Variants in RAD54B observed in about 807,000 individuals in gnomAD.
RAD54B encodes the protein RAD54 homolog B.
In RAD54B, 78 loss-of-function variants were observed where a neutral mutation model predicts 95.8. The ratio of observed to expected loss-of-function variants is 0.81; its 90% CI spans 0.68 to 0.98. The LOEUF is 0.98. Ranked by LOEUF, RAD54B falls within the 50% of genes least tolerant of loss-of-function variation. RAD54B has a pLI of 0.00. For synonymous variants in RAD54B, 328 were observed against 354.9 expected (o/e 0.92, Z 0.85); for missense variants, 957 against 1,056.6 (o/e 0.91, Z 1.31).
intron 6 of RAD54B, 66 bp downstream of exon 6, chr8:94,404,011 A>C: frequency 7.0e-6 from 9 of 1,279,938 alleles, no homozygotes; most frequent in Non-Finnish European, 8.5e-6. Flanking sequence ...TTCTTAGAAA[A>C]CCATTATTGT....
At chr8:94,379,030 T>A (rs745497337) in intron 12 of RAD54B, among the ~76,000 whole-genome samples, 1 of 152,234 alleles carries the variant, frequency 6.6e-6, no homozygotes, top group Non-Finnish European at 1.5e-5. Context: ...GCTAAGGCTC[T>A]AGGTGGATCC....
intron 3 of RAD54B, chr8:94,436,421 C>G (rs989976062): frequency 6.9e-7 from 1 of 1,442,820 alleles, no homozygotes; most frequent in Non-Finnish European, 9.1e-7. Flanking sequence ...ATGCATATCT[C>G]TATCACGACT....
At chr8:94,451,339 C>G (rs1447568762) in intron 3 of RAD54B, among the ~76,000 whole-genome samples, 4 of 152,020 alleles carry the variant, frequency 2.6e-5, no homozygotes, top group African/African-American at 9.7e-5. Context: ...AGATTATAAC[C>G]CACTGAATAA....
intron 3 of RAD54B, chr8:94,436,430 C>T (rs1476669609): frequency 5.5e-6 from 8 of 1,459,808 alleles, no homozygotes; most frequent in African/African-American, 2.9e-5. Flanking sequence ...TCTATCACGA[C>T]TAAGCCAAAG....
intron 7 of RAD54B, 77 bp downstream of exon 7, chr8:94,400,161 C>T: frequency 7.7e-7 from 1 of 1,292,580 alleles, no homozygotes; most frequent in Non-Finnish European, 1.1e-6. Context: ...AGGGAGTTAA[C>T]AAGTAAAAAC....
Position 94,407,676 on chromosome 8 carries a change from G to A in RAD54B, c.544C>T (p.Gln182Ter). The A allele has an allele frequency of 2.5e-6, 4 of 1,613,694 alleles. No individual in the cohort carries two copies. Among genetic ancestry groups the A allele is most frequent in the Non-Finnish European group, 3.4e-6 (4 of 1,179,798 alleles). ...TCTTTTCCACAAATCATCAGTGTTT[G>A]GCCCTCTTCAATCTTTTCAAGCTCT... ...FKELEKIEEG[Q>*]TLMICGKEIE... The change falls in exon 5 of 15, where the codon CAA becomes TAA. Residue 182 changes from glutamine to a stop codon, truncating the protein, a stop_gained. Transcript: ENST00000336148. LOFTEE classifies it high-confidence loss of function.
At chr8:94,418,465 A>T (rs1291917801) in intron 3 of RAD54B, among the ~76,000 whole-genome samples, 3 of 152,180 alleles carry the variant, frequency 2.0e-5, no homozygotes, top group Non-Finnish European at 2.9e-5. Context: ...ATTGTTTTTA[A>T]ATTTTCATAC....
chr8:94,463,935 A>C (rs1812965580), intron 2 of RAD54B, among the ~76,000 whole-genome samples: 1 of 151,466 alleles, frequency 6.6e-6, no homozygotes, highest in African/African-American at 2.4e-5. Flanking sequence ...AAAAGAGAGA[A>C]ACGAAAACAC....
chr8:94,452,442 T>C (rs1172187088), intron 3 of RAD54B, among the ~76,000 whole-genome samples: 5 of 152,188 alleles, frequency 3.3e-5, no homozygotes, highest in Middle Eastern at 3.2e-3. Flanking sequence ...ATTACACATA[T>C]ACATACAATA....
intron 3 of RAD54B, among the ~76,000 whole-genome samples, chr8:94,418,443 C>G (rs1811726012): frequency 6.6e-6 from 1 of 152,172 alleles, no homozygotes; most frequent in Non-Finnish European, 1.5e-5. Flanking sequence ...TCACCTTTAT[C>G]CATTTTTAAC....
intron 8 of RAD54B, among the ~76,000 whole-genome samples, chr8:94,397,625 T>C (rs1173249965): frequency 6.6e-6 from 1 of 152,152 alleles, no homozygotes; most frequent in East Asian, 1.9e-4. Context: ...ATCAATAAAA[T>C]TATATATTTT....
At chr8:94,424,453 A>G (rs1482867202) in intron 3 of RAD54B, among the ~76,000 whole-genome samples, 1 of 152,150 alleles carries the variant, frequency 6.6e-6, no homozygotes, top group Admixed American at 6.5e-5. Flanking sequence ...CCCTTTCTCA[A>G]TTACTCCCAT....
chr8:94,450,732 T>C (rs1229334254), intron 3 of RAD54B, among the ~76,000 whole-genome samples: 1 of 151,756 alleles, frequency 6.6e-6, no homozygotes, highest in African/African-American at 2.4e-5. Context: ...ATACAAAAAT[T>C]AGCTGAGTGT....
intron 2 of RAD54B, 83 bp downstream of exon 2, chr8:94,467,322 T>C: frequency 8.3e-7 from 1 of 1,210,484 alleles, no homozygotes; most frequent in Non-Finnish European, 1.1e-6. Flanking sequence ...AGGCAGAAAA[T>C]ACTGTTAACT....
At chr8:94,411,100 C>G in intron 4 of RAD54B, 21 bp downstream of exon 4, 1 of 1,559,426 alleles carries the variant, frequency 6.4e-7, no homozygotes, top group Non-Finnish European at 8.7e-7. Flanking sequence ...AAACTGTAAA[C>G]ATTAGGTAGT....
At chr8:94,400,045 T>A (rs2130007303) in intron 7 of RAD54B, among the ~76,000 whole-genome samples, 193 bp downstream of exon 7, 1 of 152,274 alleles carries the variant, frequency 6.6e-6, no homozygotes, top group Non-Finnish European at 1.5e-5. Flanking sequence ...ACTGCTATAT[T>A]GAAAGTTAGG....
In RAD54B at chr8:94,411,019, C is replaced by G; in HGVS notation, c.499+102G>C. ...AGGCATGAACATCCATTAAAGAATA[C>G]CTTATCATCTCTTTATAAAACCCAA... On this transcript the variant is annotated intron_variant, in intron 4 of 14. Coordinates refer to ENST00000336148, the MANE Select transcript of RAD54B (RefSeq NM_012415.3). 1.5e-5 allele frequency: 13 copies of G among 839,944 alleles called. No individual in the cohort carries two copies. In the South Asian group the frequency reaches 2.2e-4, roughly 14 times the overall value. The allele number at this position is 839,944 out of a possible 1,614,324, so 52.0% of individuals were successfully genotyped here.
chr8:94,437,066 G>A, intron 3 of RAD54B: 2 of 1,084,434 alleles, frequency 1.8e-6, no homozygotes, highest in Non-Finnish European at 2.4e-6. Context: ...AGCCAAGCCT[G>A]ACCTACATAA....
intron 3 of RAD54B, chr8:94,429,364 A>C: frequency 1.6e-6 from 1 of 637,920 alleles, no homozygotes; most frequent in Non-Finnish European, 1.9e-6. Flanking sequence ...GAACCTAACC[A>C]CCAAAAATAA....
Sources: allele counts gnomAD v4.1 joint callset (sites outside exome capture counted in the v4.1 genomes callset), GRCh38; gene constraint gnomAD v4.1.1; transcripts MANE v1.5; gene names NCBI Gene and HGNC (gene_info 2026-07-23, HGNC 2026-07-21).